Variants in MAMLD1 observed in about 807,000 individuals in gnomAD.
MAMLD1 encodes mastermind like domain containing 1, also known as mastermind-like domain-containing protein 1.
A neutral mutation model predicts 45.0 loss-of-function variants in MAMLD1; 14 were observed. That is an observed-to-expected ratio of 0.31 (90% CI 0.21 to 0.49). The LOEUF (loss-of-function observed/expected upper bound fraction) is 0.49. MAMLD1 is among the 20% of genes least tolerant of loss of function. The probability of loss-of-function intolerance (pLI) is 0.99; values close to 1 mark genes in which losing one functional copy is unlikely to be tolerated. For synonymous variants in MAMLD1, 254 were observed against 247.8 expected, an observed-to-expected ratio of 1.02 and a Z score of -0.24; for missense variants, 543 against 603.6, an observed-to-expected ratio of 0.90 and a Z score of 1.05.
At chrX:150,471,720 TAGA>T (rs1351417566) in intron 4 of MAMLD1, among the ~76,000 whole-genome samples, 2 of 111,875 alleles carry the variant, frequency 1.8e-5, no homozygotes, top group South Asian at 3.8e-4. Context: ...CTAACTTCCC[TAGA>T]AGGAGAGCTG....
Position 150,469,877 on chromosome X carries a change from A to G in MAMLD1, c.304A>G (p.Ser102Gly). The G allele has an allele frequency of 1.7e-6, 2 of 1,211,881 alleles. No individual in the cohort carries two copies. Among genetic ancestry groups the G allele is most frequent in the Non-Finnish European group, 2.2e-6 (2 of 895,551 alleles). ...TGCAATGGGCCCAGGTGCTCATCCTAGTACTGCTTGTGCAGAACTGCAGGT... is the reference window on the plus strand; with the variant it reads ...TGCAATGGGCCCAGGTGCTCATCCTGGTACTGCTTGTGCAGAACTGCAGGT... Reference protein sequence around the residue: ...TLAMGPGAHPSTACAELQVPP... With the variant: ...TLAMGPGAHPGTACAELQVPP... The change falls in exon 4 of 8, where the codon AGT (serine) becomes GGT (glycine). Residue 102 changes from serine (S) to glycine (G), a missense_variant. Transcript: ENST00000370401.
At chrX:150,500,315 T>A (rs1344342824) in intron 5 of MAMLD1, among the ~76,000 whole-genome samples, 1 of 111,801 alleles carries the variant, frequency 8.9e-6, no homozygotes, top group Non-Finnish European at 1.9e-5. Flanking sequence ...CATGGCAGCC[T>A]GTCTGGAGAG....
At chrX:150,473,600 G>T in intron 4 of MAMLD1, 80 bp from the exon 5 acceptor site, 1 of 1,014,924 alleles carries the variant, frequency 9.9e-7, no homozygotes, top group Non-Finnish European at 1.4e-6. Flanking sequence ...GATAGGCAAA[G>T]CACATAGGAC....
At chrX:150,481,902 AAGAG>A (rs2036775478) in intron 5 of MAMLD1, among the ~76,000 whole-genome samples, 1 of 106,497 alleles carries the variant, frequency 9.4e-6, no homozygotes, top group Non-Finnish European at 1.9e-5. Flanking sequence ...GAAAGAAAGA[AAGAG>A]AGACAGAGAC....
chrX:150,424,701 A>T (rs899693045), intron 1 of MAMLD1, among the ~76,000 whole-genome samples: 1 of 112,784 alleles, frequency 8.9e-6, no homozygotes, highest in Non-Finnish European at 1.9e-5. Context: ...GCAAAGAGTG[A>T]TAACAATTTG....
At position 150,512,351 on chromosome X, in the gene MAMLD1, T is replaced by G; in HGVS notation, c.*392T>G. 7 of 1,134,811 alleles carry G rather than the reference T, an allele frequency of 6.2e-6. No individual in the cohort carries two copies. Among genetic ancestry groups the G allele is most frequent in the Non-Finnish European group, 8.1e-6 (7 of 859,788 alleles). The allele number at this position is 1,134,811 out of a possible 1,213,427, so 93.5% of individuals were successfully genotyped here. ...TCCCAGCTCCCTGGGCACCCAGTCC[T>G]TGAGTCCCCACCAGCTCAGACGGCC... is the stretch of plus-strand genomic sequence containing the variant. On this transcript the variant is annotated 3_prime_UTR_variant, in exon 8 of 8. Transcript: ENST00000370401.
intron 1 of MAMLD1, among the ~76,000 whole-genome samples, chrX:150,376,400 C>T (rs1010701874): frequency 2.7e-5 from 3 of 110,740 alleles, no homozygotes; most frequent in Non-Finnish European, 3.8e-5. Flanking sequence ...TTAGAGACCC[C>T]TTGTTTTATG....
intron 5 of MAMLD1, among the ~76,000 whole-genome samples, chrX:150,490,418 A>G (rs782099234): frequency 8.9e-6 from 1 of 112,454 alleles, no homozygotes; most frequent in South Asian, 3.7e-4. Flanking sequence ...GTCTGGAAAA[A>G]TAAAACCCTA....
At chrX:150,497,017 G>A (rs1239051407) in intron 5 of MAMLD1, among the ~76,000 whole-genome samples, 1 of 112,441 alleles carries the variant, frequency 8.9e-6, no homozygotes, top group Non-Finnish European at 1.9e-5. Context: ...GAATTTACAT[G>A]ATGAAGTGAA....
chrX:150,442,049 A>ATT (rs781870032), intron 1 of MAMLD1, among the ~76,000 whole-genome samples: 342 of 95,535 alleles, frequency 3.6e-3, no homozygotes, highest in African/African-American at 0.011. Context: ...TGTCGCTGGT[A>ATT]TTTTTTTTTT....
chrX:150,455,505 G>A (rs1257392284), intron 2 of MAMLD1, among the ~76,000 whole-genome samples: 2 of 110,659 alleles, frequency 1.8e-5, no homozygotes, highest in Non-Finnish European at 3.8e-5. Flanking sequence ...ATATTTATTT[G>A]GTATCTACAC....
At chrX:150,408,184 C>T (rs2034042743) in intron 1 of MAMLD1, among the ~76,000 whole-genome samples, 1 of 110,339 alleles carries the variant, frequency 9.1e-6, no homozygotes, top group African/African-American at 3.3e-5. Flanking sequence ...TTTTTTCCTC[C>T]TAGAGAGCCC....
In MAMLD1 at chrX:150,488,628, C is replaced by G. The variant is rs186241003; in HGVS notation, c.2041-14646C>G. ...TCTACAAACTGACTAAAAGTATATC[C>G]CACATATATTGAATTTGAAGACTGT... is the stretch of plus-strand genomic sequence containing the variant. On this transcript the variant is annotated intron_variant, in intron 5 of 7. Transcript: ENST00000370401. Among the ~76,000 whole-genome samples, 10 of 112,797 alleles carry G rather than the reference C, an allele frequency of 8.9e-5. No homozygotes were observed. The East Asian group carries it at 2.8e-3, about 31-fold the overall frequency.
chrX:150,400,014 A>G (rs782102820), intron 1 of MAMLD1, among the ~76,000 whole-genome samples: 1 of 111,880 alleles, frequency 8.9e-6, no homozygotes, highest in Admixed American at 9.5e-5. Flanking sequence ...AGGTTCGCTC[A>G]TTAGAATAAA....
intron 1 of MAMLD1, among the ~76,000 whole-genome samples, chrX:150,432,850 A>G (rs2034999300): frequency 8.9e-6 from 1 of 112,244 alleles, no homozygotes; most frequent in Admixed American, 9.4e-5. Flanking sequence ...TGGTAACATG[A>G]TGCCTCCAGC....
chrX:150,415,785 TAA>T (rs2034233895), intron 1 of MAMLD1, among the ~76,000 whole-genome samples: 1 of 112,422 alleles, frequency 8.9e-6, no homozygotes, highest in African/African-American at 3.2e-5. Flanking sequence ...CCCAGAAATA[TAA>T]GTTTGTATTT....
intron 1 of MAMLD1, among the ~76,000 whole-genome samples, chrX:150,432,248 G>A (rs2034978571): frequency 9.0e-6 from 1 of 111,381 alleles, no homozygotes; most frequent in Non-Finnish European, 1.9e-5. Flanking sequence ...CTATTCGTGT[G>A]CTCTGCCACT....
chrX:150,493,338 C>T (rs782656311), intron 5 of MAMLD1, among the ~76,000 whole-genome samples: 33 of 111,701 alleles, frequency 3.0e-4, no homozygotes, highest in Non-Finnish European at 5.6e-4. Context: ...GACCAAAATT[C>T]CAAAGCAACT....
chrX:150,364,470 A>G (rs183770416), intron 1 of MAMLD1, among the ~76,000 whole-genome samples: 2,959 of 111,186 alleles, frequency 0.027, 83 homozygotes, highest in African/African-American at 0.09. Context: ...TGGAGCATTC[A>G]CTCCCGCCCC....
Sources: gnomAD v4.1 joint callset for allele counts (sites outside exome capture counted in the v4.1 genomes callset) on GRCh38, gnomAD v4.1.1 for gene constraint, MANE v1.5 for transcripts, NCBI Gene and HGNC (gene_info 2026-07-23, HGNC 2026-07-21) for gene names.